Variants in CDK12 observed in about 807,000 individuals in gnomAD.
CDK12 encodes cyclin dependent kinase 12, also known as cyclin-dependent kinase 12.
In CDK12, 17 loss-of-function variants were observed where a neutral mutation model predicts 133.8. The ratio of observed to expected loss-of-function variants is 0.13; its 90% CI spans 0.09 to 0.19. The LOEUF is 0.19. CDK12 is among the 10% of genes least tolerant of loss of function. CDK12 has a pLI of 1.00. For synonymous variants in CDK12, 694 were observed against 683.6 expected (o/e 1.02, Z -0.24); for missense variants, 1,508 against 1,818.7 (o/e 0.83, Z 3.11).
At chr17:39,463,234 C>T (rs2049072127) in intron 1 of CDK12, 117 bp downstream of exon 1, 4 of 878,180 alleles carry the variant, frequency 4.6e-6, no homozygotes, top group South Asian at 3.3e-5. Context: ...GAACACTTTG[C>T]TGTTGGCTAG....
chr17:39,500,444 C>G (rs1236148475), intron 5 of CDK12, among the ~76,000 whole-genome samples: 1 of 151,932 alleles, frequency 6.6e-6, no homozygotes, highest in Non-Finnish European at 1.5e-5. Flanking sequence ...ACCAGCCTGA[C>G]CAACATGGTG....
At chr17:39,480,498 A>G (rs2050560998) in intron 2 of CDK12, among the ~76,000 whole-genome samples, 2 of 151,664 alleles carry the variant, frequency 1.3e-5, no homozygotes, top group African/African-American at 4.8e-5. Flanking sequence ...CTGGAGTGCA[A>G]TGGTGCGATC....
intron 2 of CDK12, among the ~76,000 whole-genome samples, chr17:39,472,795 G>T (rs566847493): frequency 6.6e-6 from 1 of 151,956 alleles, no homozygotes; most frequent in Non-Finnish European, 1.5e-5. Flanking sequence ...CATGCTATCG[G>T]CCAGGCGCGG....
At position 39,492,776 on chromosome 17, in the gene CDK12, A is replaced by C. The variant is rs747922200; in HGVS notation, c.2134A>C (p.Arg712=). Residue 712 remains arginine, a synonymous_variant, in exon 4 of 14, where the codon AGA becomes CGA. Transcript: ENST00000447079. ...PKICCPRYGE[R]RQTESDWGKR... ...AATTTGTTGTCCTCGTTATGGAGAA[A>C]GAAGACAAACAGAAAGCGACTGGGG... 3 of 1,609,256 alleles carry C rather than the reference A, an allele frequency of 1.9e-6. No homozygotes were observed. The South Asian group carries it at 3.3e-5, about 18-fold the overall frequency.
chr17:39,480,537 G>T (rs2050563799), intron 2 of CDK12, among the ~76,000 whole-genome samples: 1 of 152,050 alleles, frequency 6.6e-6, no homozygotes, highest in Non-Finnish European at 1.5e-5. Context: ...TGCCTCCTGG[G>T]TTCTAGCGAT....
chr17:39,560,768 C>CT (rs527823719), intron 3 of CDK12, among the ~76,000 whole-genome samples: 135 of 152,350 alleles, frequency 8.9e-4, no homozygotes, highest in African/African-American at 3.0e-3. Flanking sequence ...AATCCCAGCA[C>CT]TTTGAGAGGC....
rs973375772 is a variant in CDK12, at chr17:39,485,064, G to A, written c.1932-5493G>A. Among the ~76,000 whole-genome samples the A allele has an allele frequency of 4.6e-5, 7 of 151,622 alleles. 1 individual carries two copies. The highest frequency in any genetic ancestry group is 4.0e-4 in the Admixed American group (6 of 15,128). On this transcript the variant is annotated intron_variant, in intron 2 of 13. Transcript: ENST00000447079. ...GGGTGCCTGTGGTCCCAGCTACTCG[G>A]GAGGCTGAGGCAGGAGAATGGCGTG...
intron 13 of CDK12, 133 bp downstream of exon 13, chr17:39,526,449 CA>C: frequency 1.5e-6 from 1 of 668,900 alleles, no homozygotes; most frequent in Non-Finnish European, 2.5e-6. Context: ...TACAGGAGAA[CA>C]TAGCACCAAG....
rs1381732101 is a variant in CDK12 at position 39,492,754 on chromosome 17, T to C, written c.2112T>C (p.Ile704=). ...PQQPYKKRPK[I]CCPRYGERRQ... is the part of the protein sequence containing the mutation. ...TTTTGTTGTTTTTACTTTTTAGAAT[T>C]TGTTGTCCTCGTTATGGAGAAAGAA... Residue 704 remains isoleucine (I), a synonymous_variant, in exon 4 of 14, where the codon ATT becomes ATC. Coordinates refer to ENST00000447079, the MANE Select transcript of CDK12 (RefSeq NM_016507.4). The C allele has an allele frequency of 6.2e-7, 1 of 1,605,140 alleles. No individual in the cohort carries two copies. Among genetic ancestry groups the C allele is most frequent in the East Asian group, 2.2e-5 (1 of 44,838 alleles).
At chr17:39,499,401 G>T (rs1282624090) in intron 5 of CDK12, among the ~76,000 whole-genome samples, 2 of 150,672 alleles carry the variant, frequency 1.3e-5, no homozygotes, top group Non-Finnish European at 2.9e-5. Flanking sequence ...CAGAGTTAGG[G>T]TTTCACCATG....
At chr17:39,478,417 C>T (rs1257530133) in intron 2 of CDK12, among the ~76,000 whole-genome samples, 2 of 151,940 alleles carry the variant, frequency 1.3e-5, no homozygotes, top group Non-Finnish European at 2.9e-5. Flanking sequence ...TGGTCCCGAA[C>T]TCCTGACCTT....
chr17:39,481,643 T>TCTCTCTCTCTCTCTCTCC, intron 2 of CDK12, among the ~76,000 whole-genome samples: 2 of 9,404 alleles, frequency 2.1e-4, no homozygotes, highest in African/African-American at 6.0e-4. Flanking sequence ...GCTCTCTCTC[T>TCTCTCTCTCTCTCTCTCC]CTCTCTCTCT....
chr17:39,543,125 T>G (rs11657058), upstream of CDK12, among the ~76,000 whole-genome samples: 119,865 of 152,172 alleles, frequency 0.79, 47,741 homozygotes, highest in South Asian at 0.92. Flanking sequence ...CCCTGAATGA[T>G]AGATGAGATG....
intron 2 of CDK12, among the ~76,000 whole-genome samples, chr17:39,483,918 A>G (rs2050922918): frequency 6.6e-6 from 1 of 151,660 alleles, no homozygotes; most frequent in South Asian, 2.1e-4. Context: ...ATCTTGGCTC[A>G]CTGCAACTGC....
At chr17:39,511,674 T>G in intron 8 of CDK12, 44 bp downstream of exon 8, 3 of 1,255,356 alleles carry the variant, frequency 2.4e-6, no homozygotes, top group Non-Finnish European at 3.5e-6. Flanking sequence ...ACTTACATAC[T>G]GTTGACTTGT....
chr17:39,510,436 T>C (rs2053427787), intron 7 of CDK12, among the ~76,000 whole-genome samples: 1 of 151,772 alleles, frequency 6.6e-6, no homozygotes, highest in Non-Finnish European at 1.5e-5. Context: ...ATCTTTTTTA[T>C]TCCTAGATGT....
intron 4 of CDK12, among the ~76,000 whole-genome samples, chr17:39,494,151 G>C (rs544699469): frequency 2.0e-5 from 3 of 152,046 alleles, no homozygotes; most frequent in Non-Finnish European, 4.4e-5. Context: ...TCTGCTCACC[G>C]CAACCTCTGC....
At chr17:39,505,884 A>G (rs1191113246) in intron 6 of CDK12, among the ~76,000 whole-genome samples, 1 of 152,222 alleles carries the variant, frequency 6.6e-6, no homozygotes, top group African/African-American at 2.4e-5. Context: ...CAATTGCTAG[A>G]TATACTAAGG....
chr17:39,563,794 AG>A (rs2056476828), intron 3 of CDK12, among the ~76,000 whole-genome samples: 1 of 147,806 alleles, frequency 6.8e-6, no homozygotes, highest in Non-Finnish European at 1.5e-5. Context: ...AGAGTGAGGA[AG>A]GGGGGAGAGA....
Sources: gnomAD v4.1 joint callset for allele counts (sites outside exome capture counted in the v4.1 genomes callset) on GRCh38, gnomAD v4.1.1 for gene constraint, MANE v1.5 for transcripts, NCBI Gene and HGNC (gene_info 2026-07-23, HGNC 2026-07-21) for gene names.